The following PTPRN2 variants were observed in gnomAD, a reference collection of about 807,000 sequenced individuals.
PTPRN2 encodes the protein receptor-type tyrosine-protein phosphatase N2.
In PTPRN2, 74 loss-of-function variants were observed where a neutral mutation model predicts 118.8. That is an observed-to-expected ratio of 0.62 (90% CI 0.52 to 0.76). The LOEUF (loss-of-function observed/expected upper bound fraction) is 0.76. Among genes scored for constraint, PTPRN2 ranks in the 30% least tolerant of loss-of-function variants. The pLI is 0.00. For synonymous variants in PTPRN2, 641 were observed against 608.0 expected (o/e 1.05, Z -0.80); for missense variants, 1,481 against 1,394.4 (o/e 1.06, Z -0.99).
intron 6 of PTPRN2, among the ~76,000 whole-genome samples, chr7:158,158,456 G>A (rs1364890168): frequency 1.4e-5 from 2 of 146,650 alleles, no homozygotes; most frequent in East Asian, 2.1e-4. Flanking sequence ...ACCAGAACAC[G>A]CTTATTTTGG....
chr7:158,523,543 A>G (rs73729669), intron 1 of PTPRN2, among the ~76,000 whole-genome samples: 11,208 of 34,906 alleles, frequency 0.32, 2,314 homozygotes, highest in East Asian at 0.49. Flanking sequence ...CTGCCCTGGA[A>G]TGGAGTCCTC....
intron 9 of PTPRN2, among the ~76,000 whole-genome samples, chr7:158,131,314 AC>A (rs570729668): frequency 6.4e-4 from 81 of 127,356 alleles, no homozygotes; most frequent in African/African-American, 2.1e-3. Context: ...ATACACATCT[AC>A]CCCACATACA....
intron 21 of PTPRN2, among the ~76,000 whole-genome samples, chr7:157,551,855 G>GCACGCACCCCATGGGCAC (rs1189099174): frequency 6.9e-4 from 23 of 33,206 alleles, no homozygotes; most frequent in Middle Eastern, 0.022. Context: ...CCCACAGCCA[G>GCACGCACCCCATGGGCAC]CACGCACCCC....
At chr7:157,669,908 A>C (rs889396105) in intron 13 of PTPRN2, among the ~76,000 whole-genome samples, 17 of 151,908 alleles carry the variant, frequency 1.1e-4, no homozygotes, top group Non-Finnish European at 2.1e-4. Flanking sequence ...TCACGTCCAT[A>C]CCCCTGCCTC....
intron 12 of PTPRN2, among the ~76,000 whole-genome samples, chr7:157,850,055 G>A (rs1809153713): frequency 6.6e-6 from 1 of 152,194 alleles, no homozygotes; most frequent in South Asian, 2.1e-4. Flanking sequence ...TATGCTTTTG[G>A]TTTAAATAAA....
Position 158,410,294 on chromosome 7 carries a change from G to A in PTPRN2, c.163+79441C>T, listed in dbSNP as rs190885470. On this transcript the variant is annotated intron_variant, in intron 2 of 22. Coordinates refer to ENST00000389418, the MANE Select transcript of PTPRN2 (RefSeq NM_002847.5). ...AACCTAACACGACACTCAGGACACA[G>A]CTGTCATCCCGAAGGCAGGAGATGT... 1.7e-3 allele frequency among the ~76,000 whole-genome samples: 261 copies of A among 152,300 alleles called. 1 individual carries two copies. The highest frequency in any genetic ancestry group is 6.1e-3 in the African/African-American group (252 of 41,562).
chr7:157,972,113 T>C (rs906941440), intron 11 of PTPRN2, among the ~76,000 whole-genome samples: 2 of 152,200 alleles, frequency 1.3e-5, no homozygotes, highest in African/African-American at 4.8e-5. Flanking sequence ...GATTGGCATT[T>C]GGCTATCAAG....
intron 13 of PTPRN2, among the ~76,000 whole-genome samples, chr7:157,663,637 G>A (rs1179639817): frequency 2.6e-5 from 4 of 152,080 alleles, no homozygotes; most frequent in East Asian, 1.9e-4. Flanking sequence ...AGTGGGGACC[G>A]GCCCCTCCCT....
intron 11 of PTPRN2, among the ~76,000 whole-genome samples, chr7:157,941,387 T>C (rs66957590): frequency 0.85 from 62,762 of 74,226 alleles, 27,457 homozygotes; most frequent in Non-Finnish European, 0.87. Context: ...TAACACCCTC[T>C]CAATCATGAC....
In PTPRN2 at chr7:158,332,008, TGAC is replaced by T. The variant is rs1236819019; in HGVS notation, c.164-15079_164-15077del. The stretch of plus-strand genomic sequence containing the variant: ...ACATCCACACTCTCTCCATAAGAGC[TGAC>T]AACCGCAAACGTCACTGACACCCAC... On this transcript the variant is annotated intron_variant, in intron 2 of 22. Transcript: ENST00000389418. Among the ~76,000 whole-genome samples, 13 of 151,106 alleles carry T rather than the reference TGAC, an allele frequency of 8.6e-5. 1 individual carries two copies. The highest frequency in any genetic ancestry group is 2.7e-4 in the African/African-American group (11 of 40,448).
chr7:157,595,294 G>A lies in PTPRN2; in HGVS notation c.2440C>T (p.Pro814Ser), dbSNP rs756254660. The A allele has an allele frequency of 1.3e-4, 206 of 1,614,086 alleles. No individual in the cohort carries two copies. Among genetic ancestry groups the A allele is most frequent in the Non-Finnish European group, 1.7e-4 (200 of 1,180,040 alleles). Residue 814 changes from proline (P) to serine (S), a missense_variant, in exon 17 of 23, where the codon CCC becomes TCC. Around this residue, in one of 3 missense-constraint regions of PTPRN2, gnomAD observed 362 missense variants for 384.1 expected, o/e 0.94. Transcript: ENST00000389418. ...GGTCCCTGGGTGGCGATGTACGCGG[G>A]GTTCCTCGGGTCGTGATCCATCTGC... ...SPIMDHDPRN[P>S]AYIATQGPLP... is the part of the protein sequence containing the mutation.
chr7:158,557,482 T>G (rs1260929686), intron 1 of PTPRN2, among the ~76,000 whole-genome samples: 1 of 152,254 alleles, frequency 6.6e-6, no homozygotes, highest in African/African-American at 2.4e-5. Flanking sequence ...CATGGTCCAC[T>G]CAGTCGCTTC....
chr7:158,180,971 A>G (rs1824651420), intron 5 of PTPRN2, among the ~76,000 whole-genome samples: 2 of 152,164 alleles, frequency 1.3e-5, no homozygotes, highest in Admixed American at 1.3e-4. Flanking sequence ...GACTTCCAGT[A>G]CTATGTTGAA....
At chr7:157,580,743 C>T (rs1585058696) in intron 17 of PTPRN2, among the ~76,000 whole-genome samples, 1 of 131,210 alleles carries the variant, frequency 7.6e-6, no homozygotes. Flanking sequence ...CCAGCACCTG[C>T]ACACCCCAGC....
intron 3 of PTPRN2, among the ~76,000 whole-genome samples, chr7:158,250,564 G>A (rs952635962): frequency 2.6e-5 from 4 of 151,600 alleles, no homozygotes; most frequent in East Asian, 1.9e-4. Context: ...ACACACACAC[G>A]TACACACACA....
chr7:157,782,749 A>G (rs1803760074), intron 12 of PTPRN2, among the ~76,000 whole-genome samples: 1 of 152,264 alleles, frequency 6.6e-6, no homozygotes, highest in Non-Finnish European at 1.5e-5. Flanking sequence ...TTTCCAGCAC[A>G]AAAATGCCCA....
At position 157,869,241 on chromosome 7, in the gene PTPRN2, T is replaced by G. The variant is rs1250346736; in HGVS notation, c.1788+29432A>C. 4 of 152,152 alleles carry G rather than the reference T, an allele frequency of 2.6e-5. No homozygotes were observed. Among genetic ancestry groups the G allele is most frequent in the African/African-American group, 4.8e-5 (2 of 41,438 alleles). The allele number at this position is 152,152 out of a possible 1,614,324, so 9.4% of individuals were successfully genotyped here. ...AGCCTCCCAGCATGGGAGGTCTGGGTAGGGCCTTGGAGGCCTGCTGGGAGG... is the reference window on the plus strand; with the variant it reads ...AGCCTCCCAGCATGGGAGGTCTGGGGAGGGCCTTGGAGGCCTGCTGGGAGG... On this transcript the variant is annotated intron_variant, in intron 12 of 22. Coordinates refer to ENST00000389418, the MANE Select transcript of PTPRN2 (RefSeq NM_002847.5). This position sits in a 1 kb window ranked among gnomAD's most constrained non-coding sequence, Gnocchi z 4.2.
intron 11 of PTPRN2, among the ~76,000 whole-genome samples, chr7:157,940,207 C>T (rs1225994000): frequency 2.0e-5 from 3 of 152,170 alleles, no homozygotes; most frequent in Non-Finnish European, 4.4e-5. Context: ...GTGTTCAGAA[C>T]TTGGTTATAA....
Position 157,591,216 on chromosome 7 carries a change from A to G in PTPRN2, c.2496+4022T>C, listed in dbSNP as rs914176521. 1.3e-5 allele frequency among the ~76,000 whole-genome samples: 2 copies of G among 152,186 alleles called. No individual in the cohort carries two copies. The highest frequency in any genetic ancestry group is 4.8e-5 in the African/African-American group (2 of 41,442). On this transcript the variant is annotated intron_variant, in intron 17 of 22. Transcript: ENST00000389418. The surrounding 1 kb of genome is among the most constrained non-coding windows in gnomAD (Gnocchi z 4.4). ...CAAGGAGTGCACGGGCCTGGGGCAGACACGGCCATCTTTCCCATCACGGCC... is the reference window on the plus strand; with the variant it reads ...CAAGGAGTGCACGGGCCTGGGGCAGGCACGGCCATCTTTCCCATCACGGCC...
Sources: gnomAD v4.1 joint callset for allele counts (sites outside exome capture counted in the v4.1 genomes callset) on GRCh38, gnomAD v4.1.1 for gene constraint, gnomAD v4.1.1 regional missense constraint, Gnocchi (gnomAD v3.1) non-coding constraint, MANE v1.5 for transcripts, NCBI Gene and HGNC (gene_info 2026-07-23, HGNC 2026-07-21) for gene names.